SP140: variants seen among roughly 807,000 people sequenced by gnomAD.
SP140 encodes the protein SP140 nuclear body protein.
In SP140, 81 loss-of-function variants were observed where a neutral mutation model predicts 125.0. The ratio of observed to expected loss-of-function variants is 0.65; its 90% CI spans 0.54 to 0.78. The LOEUF (loss-of-function observed/expected upper bound fraction) is 0.78, where lower values mean the gene tolerates loss of function less well. Ranked by LOEUF, SP140 falls within the 30% of genes least tolerant of loss-of-function variation. SP140 has a pLI of 0.00. For missense variants in SP140, 858 were observed against 1,037.0 expected, an observed-to-expected ratio of 0.83 and a Z score of 2.37; for synonymous variants, 312 against 354.0, an observed-to-expected ratio of 0.88 and a Z score of 1.33.
At chr2:230,280,405 T>C (rs1029541328) in intron 15 of SP140, among the ~76,000 whole-genome samples, 1 of 152,210 alleles carries the variant, frequency 6.6e-6, no homozygotes, top group Non-Finnish European at 1.5e-5. Context: ...TTATGTCTCT[T>C]GTAACTGCAC....
intron 6 of SP140, among the ~76,000 whole-genome samples, 188 bp from the exon 7 acceptor site, chr2:230,245,675 A>AGAGAGAGG (rs1356653294): frequency 6.6e-6 from 1 of 152,080 alleles, no homozygotes; most frequent in Non-Finnish European, 1.5e-5. Flanking sequence ...AAAAAGAAGG[A>AGAGAGAGG]GAGAGAGGGA....
At chr2:230,313,776 G>A (rs1412644003), downstream of SP140, among the ~76,000 whole-genome samples, 1 of 152,222 alleles carries the variant, frequency 6.6e-6, no homozygotes, top group Non-Finnish European at 1.5e-5. Flanking sequence ...AGCCCCAGAA[G>A]TGCTATCACT....
chr2:230,307,966 TATATATATATATATATATATATATACAC>T (rs1395915453), intron 22 of SP140, among the ~76,000 whole-genome samples: 14 of 72,928 alleles, frequency 1.9e-4, no homozygotes, highest in African/African-American at 6.2e-4. Context: ...TATATATATA[TATATATATATATATATATATATATACAC>T]ACACACACAC....
upstream of SP140, among the ~76,000 whole-genome samples, chr2:230,199,596 T>C (rs2043041164): frequency 6.6e-6 from 1 of 152,146 alleles, no homozygotes; most frequent in Non-Finnish European, 1.5e-5. Context: ...ATCATGATTT[T>C]AAAAAGCATA....
intron 4 of SP140, among the ~76,000 whole-genome samples, chr2:230,241,865 C>T (rs775038041): frequency 5.3e-5 from 8 of 152,122 alleles, no homozygotes; most frequent in Non-Finnish European, 1.2e-4. Flanking sequence ...TTAAGAGAAA[C>T]TCAGAAATAA....
intron 12 of SP140, among the ~76,000 whole-genome samples, chr2:230,265,423 G>A (rs1008946659): frequency 2.6e-5 from 4 of 152,216 alleles, no homozygotes; most frequent in African/African-American, 9.7e-5. Context: ...CACCTGTGGA[G>A]TCTGCACACC....
At chr2:230,202,831 C>G, upstream of SP140, 1 of 1,052,960 alleles carries the variant, frequency 9.5e-7, no homozygotes, top group Non-Finnish European at 1.5e-6. Flanking sequence ...AACTCCCACT[C>G]TTTCAGATCT....
At position 230,237,102 on chromosome 2, in the gene SP140, A is replaced by C; in HGVS notation, c.79A>C (p.Asn27His). 3 of 1,595,498 alleles carry C rather than the reference A, an allele frequency of 1.9e-6. No homozygotes were observed. Among genetic ancestry groups the C allele is most frequent in the Non-Finnish European group, 2.6e-6 (3 of 1,173,942 alleles). Residue 27 changes from asparagine to histidine, a missense_variant, in exon 2 of 27, where the codon AAC becomes CAC. Coordinates refer to ENST00000392045, the MANE Select transcript of SP140 (RefSeq NM_007237.5). This position sits in a 1 kb window ranked among gnomAD's most constrained non-coding sequence, Gnocchi z 5.4. ...TCTTAGGATGGTCGCAGAGATCCAG[A>C]ACGTAGAGGGTCAGAACCTGCAGGA... is the stretch of plus-strand genomic sequence containing the variant. ...LNFRMVAEIQ[N>H]VEGQNLQEQV...
the SP140 span, among the ~76,000 whole-genome samples, chr2:230,190,163 CCCA>C: frequency 2.0e-5 from 3 of 152,186 alleles, no homozygotes; most frequent in Non-Finnish European, 4.4e-5. Context: ...AATTTACACT[CCCA>C]CCAACAGTGT....
rs371906297 is a variant in SP140 at position 230,285,765 on chromosome 2, C to T, written c.1578C>T (p.Ala526=). 141 of 1,613,338 alleles carry T rather than the reference C, an allele frequency of 8.7e-5. No individual in the cohort carries two copies. Among genetic ancestry groups the T allele is most frequent in the Non-Finnish European group, 1.1e-4 (124 of 1,179,478 alleles). ...ENSQQNDNSK[A]DGQVVSSEKK... ...GCCTATCCCCAGATAATAGCAAAGC[C>T]GACGGCCAGGTGGTCTCCAGTGAAA... is the stretch of plus-strand genomic sequence containing the variant. Residue 526 remains alanine (A), a synonymous_variant, in exon 17 of 27, where the codon GCC becomes GCT. Transcript: ENST00000392045.
chr2:230,305,903 T>A (rs1575355071), intron 22 of SP140, among the ~76,000 whole-genome samples: 1 of 152,200 alleles, frequency 6.6e-6, no homozygotes, highest in African/African-American at 2.4e-5. Flanking sequence ...CAGCTGAGAC[T>A]GGGGAGGCAA....
chr2:230,297,896 G>T (rs2057905200), intron 22 of SP140, among the ~76,000 whole-genome samples: 1 of 152,216 alleles, frequency 6.6e-6, no homozygotes, highest in Non-Finnish European at 1.5e-5. Flanking sequence ...TAGAGTTGAA[G>T]ATGGTCATAA....
intron 25 of SP140, 66 bp downstream of exon 25, chr2:230,311,297 TC>T (rs2059311424): frequency 3.1e-6 from 5 of 1,609,154 alleles, no homozygotes; most frequent in African/African-American, 2.7e-5. Flanking sequence ...AAATGGGCCC[TC>T]GTGAGATTTG....
rs755024352 is a variant in SP140, at chr2:230,237,231, C to T, written c.208C>T (p.Arg70Cys). ...PFPFLMGLRDRSFISEQMYEH... is the reference protein window; with the variant it reads ...PFPFLMGLRDCSFISEQMYEH... ...TCCTTTCCTTATGGGCCTCCGAGAC[C>T]GCTCCTTCATCTCCGAGCAGATGTA... is the stretch of plus-strand genomic sequence containing the variant. Residue 70 changes from arginine (R) to cysteine (C), a missense_variant, in exon 2 of 27, where the codon CGC becomes TGC. Around this residue, in one of 4 missense-constraint regions of SP140, gnomAD observed 791 missense variants for 869.5 expected, o/e 0.91. Coordinates refer to ENST00000392045, the MANE Select transcript of SP140 (RefSeq NM_007237.5). This position sits in a 1 kb window ranked among gnomAD's most constrained non-coding sequence, Gnocchi z 5.4. The T allele has an allele frequency of 6.8e-6, 11 of 1,611,856 alleles. No homozygotes were observed. The highest frequency in any genetic ancestry group is 2.2e-5 in the South Asian group (2 of 90,856).
At chr2:230,286,045 G>A (rs976911778) in intron 17 of SP140, among the ~76,000 whole-genome samples, 1 of 152,140 alleles carries the variant, frequency 6.6e-6, no homozygotes, top group Non-Finnish European at 1.5e-5. Flanking sequence ...TTCTAAAATA[G>A]TTTTCCTCTG....
chr2:230,213,541 C>T (rs2044733712), intron 1 of SP140: 1 of 164,932 alleles, frequency 6.1e-6, no homozygotes, highest in Admixed American at 5.6e-5. Flanking sequence ...TCTGGTCACA[C>T]CCAGCTTTCT....
chr2:230,239,373 A>G (rs148021413), intron 3 of SP140, among the ~76,000 whole-genome samples: 2 of 152,216 alleles, frequency 1.3e-5, no homozygotes, highest in South Asian at 2.1e-4. Flanking sequence ...ACAATACCTA[A>G]TACAATGTAA....
chr2:230,250,844 AC>A, intron 9 of SP140, 136 bp from the exon 10 acceptor site: 1 of 781,372 alleles, frequency 1.3e-6, no homozygotes, highest in East Asian at 2.7e-5. Context: ...GGCCAGGTGA[AC>A]CCACCTACAG....
intron 1 of SP140, among the ~76,000 whole-genome samples, chr2:230,205,645 G>A (rs567114250): frequency 6.6e-6 from 1 of 152,000 alleles, no homozygotes; most frequent in Non-Finnish European, 1.5e-5. Flanking sequence ...TATACAGTTA[G>A]TGCTCACTGC....
Sources: gnomAD v4.1 joint callset for allele counts (sites outside exome capture counted in the v4.1 genomes callset) on GRCh38, gnomAD v4.1.1 for gene constraint, gnomAD v4.1.1 regional missense constraint, Gnocchi (gnomAD v3.1) non-coding constraint, MANE v1.5 for transcripts, NCBI Gene and HGNC (gene_info 2026-07-23, HGNC 2026-07-21) for gene names.